KMT2C: variants seen among roughly 807,000 people sequenced by gnomAD.
The protein encoded by KMT2C is lysine methyltransferase 2C.
In KMT2C, 88 loss-of-function variants were observed where a neutral mutation model predicts 507.9. The observed-to-expected ratio is 0.17, with a 90% CI of 0.15 to 0.21. The LOEUF (loss-of-function observed/expected upper bound fraction) is 0.21, where lower values mean the gene tolerates loss of function less well. Among genes scored for constraint, KMT2C ranks in the 10% least tolerant of loss-of-function variants. The pLI is 1.00. For missense variants in KMT2C, 4,954 were observed against 5,957.8 expected (o/e 0.83, Z 5.55); for synonymous variants, 2,049 against 2,080.8 (o/e 0.98, Z 0.42).
chr7:152,250,082 T>A, intron 12 of KMT2C, 129 bp from the exon 13 acceptor site: 1 of 567,700 alleles, frequency 1.8e-6, no homozygotes, highest in South Asian at 2.5e-5. Context: ...TGAAACATTG[T>A]ACCACTTATT....
intron 49 of KMT2C, 40 bp from the exon 50 acceptor site, chr7:152,151,621 G>A: frequency 1.3e-6 from 2 of 1,584,974 alleles, no homozygotes; most frequent in Non-Finnish European, 1.7e-6. Flanking sequence ...AAAACTGACT[G>A]ATGACACAAG....
chr7:152,180,781 G>A lies in KMT2C; in HGVS notation c.7079C>T (p.Pro2360Leu), dbSNP rs940080839. The A allele has an allele frequency of 1.9e-6, 3 of 1,614,152 alleles. No homozygotes were observed. The highest frequency in any genetic ancestry group is 1.1e-5 in the South Asian group (1 of 91,072). ...CTGTGTATCAGTTACTCCTGAAGTT[G>A]GCACAGGTCCAGGAAGTTGGGAGAC... ...SGVSQLPGPV[P>L]TSGVTDTQNT... is the part of the protein sequence containing the mutation. The change falls in exon 36 of 59, where the codon CCA (proline) becomes CTA (leucine). Residue 2360 changes from proline to leucine, a missense_variant. Physicochemically the swap from Pro to Leu is moderately conservative, Grantham distance 98. Transcript: ENST00000262189.
chr7:152,386,108 A>T (rs2097423690), intron 1 of KMT2C, among the ~76,000 whole-genome samples: 2 of 151,766 alleles, frequency 1.3e-5, no homozygotes, highest in Non-Finnish European at 2.9e-5. Flanking sequence ...TAATAAAAAT[A>T]AAAATAAATA....
intron 31 of KMT2C, among the ~76,000 whole-genome samples, chr7:152,189,547 T>C (rs1423934211): frequency 6.6e-6 from 1 of 152,196 alleles, no homozygotes; most frequent in East Asian, 1.9e-4. Flanking sequence ...CATTTTACAA[T>C]GTATAATGAT....
intron 55 of KMT2C, 62 bp from the exon 56 acceptor site, chr7:152,139,853 A>G: frequency 8.2e-7 from 1 of 1,221,812 alleles, no homozygotes; most frequent in Non-Finnish European, 1.2e-6. Context: ...TCTGTTTTTC[A>G]TACAAAGGTT....
rs548995321 is a variant in KMT2C at position 152,162,104 on chromosome 7, G to T, written c.11460+13C>A. 4 of 1,521,110 alleles carry T rather than the reference G, an allele frequency of 2.6e-6. No homozygotes were observed. Among genetic ancestry groups the T allele is most frequent in the African/African-American group, 1.4e-5 (1 of 71,886 alleles). The allele number at this position is 1,521,110 out of a possible 1,614,324, so 94.2% of individuals were successfully genotyped here. On this transcript the variant is annotated intron_variant, in intron 43 of 58. Transcript: ENST00000262189. ...AAAAGAAAAAAGTTGTCGTTTTTAT[G>T]ATTTACACTTACCAGTCCTTCAGCT...
At chr7:152,341,769 G>A (rs982976048) in intron 2 of KMT2C, among the ~76,000 whole-genome samples, 1 of 152,150 alleles carries the variant, frequency 6.6e-6, no homozygotes, top group African/African-American at 2.4e-5. Context: ...GATAAGAAAG[G>A]ACAGGTAAAG....
chr7:152,217,673 C>T (rs1417002986), intron 23 of KMT2C, among the ~76,000 whole-genome samples: 1 of 151,938 alleles, frequency 6.6e-6, no homozygotes, highest in Non-Finnish European at 1.5e-5. Context: ...TTTAAAAAAG[C>T]AAGGGTAATT....
chr7:152,207,553 G>T, intron 23 of KMT2C, 125 bp from the exon 24 acceptor site: 9 of 737,558 alleles, frequency 1.2e-5, no homozygotes, highest in East Asian at 2.8e-5. Context: ...TGTTGGTAGG[G>T]AAAGTATGAA....
Position 152,202,926 on chromosome 7 carries a change from AAT to A in KMT2C, c.4092+6_4092+7del, listed in dbSNP as rs754113886. On this transcript the variant is annotated splice_donor_region_variant and intron_variant, in intron 26 of 58. Coordinates refer to ENST00000262189, the MANE Select transcript of KMT2C (RefSeq NM_170606.3). Reference sequence around the variant, plus strand: ...AACCATGTAAAATAATGTAAAGCAAAATATTACTTGTAAATAGGCAGGGAAAG... The same window carrying A: ...AACCATGTAAAATAATGTAAAGCAAAATTACTTGTAAATAGGCAGGGAAAG... The A allele has an allele frequency of 3.8e-6, 6 of 1,582,100 alleles. No homozygotes were observed. In the African/African-American group the frequency reaches 8.1e-5, roughly 21 times the overall value.
At chr7:152,359,996 C>T (rs900072920) in intron 1 of KMT2C, among the ~76,000 whole-genome samples, 3 of 124,772 alleles carry the variant, frequency 2.4e-5, no homozygotes, top group South Asian at 2.5e-4. Context: ...TTGCAGTGAG[C>T]TGATATCATG....
chr7:152,144,429 T>G lies in KMT2C; in HGVS notation c.14343+284A>C, dbSNP rs2090910958. The stretch of plus-strand genomic sequence containing the variant: ...TCTACTGAGCACTCCACAAATCCAG[T>G]GTGTGCAAATTACAATGCTACCTGC... On this transcript the variant is annotated intron_variant, in intron 55 of 58. Transcript: ENST00000262189. This position sits in a 1 kb window ranked among gnomAD's most constrained non-coding sequence, Gnocchi z 4.4. Among the ~76,000 whole-genome samples the G allele has an allele frequency of 2.6e-5, 4 of 152,298 alleles. No homozygotes were observed. The highest frequency in any genetic ancestry group is 9.6e-5 in the African/African-American group (4 of 41,562).
intron 2 of KMT2C, among the ~76,000 whole-genome samples, chr7:152,348,599 T>TAAAAAAAAAAAAAAAAAAAAAAAAA (rs201530125): frequency 1.1e-3 from 53 of 48,956 alleles, no homozygotes; most frequent in East Asian, 2.0e-3. Context: ...AACTCTGTCT[T>TAAAAAAAAAAAAAAAAAAAAAAAAA]AAAAAAAAAA....
intron 6 of KMT2C, among the ~76,000 whole-genome samples, chr7:152,275,865 C>G (rs1297884240): frequency 6.6e-6 from 1 of 152,080 alleles, no homozygotes; most frequent in Non-Finnish European, 1.5e-5. Flanking sequence ...TATTTTGATA[C>G]CATATGGCAA....
At chr7:152,370,469 C>T (rs931744982) in intron 1 of KMT2C, among the ~76,000 whole-genome samples, 1 of 152,218 alleles carries the variant, frequency 6.6e-6, no homozygotes, top group East Asian at 1.9e-4. Context: ...CTACAGAATC[C>T]CTTCCAGAAA....
intron 1 of KMT2C, among the ~76,000 whole-genome samples, chr7:152,391,543 CTTTT>C (rs71198782): frequency 2.0e-4 from 19 of 97,188 alleles, no homozygotes; most frequent in African/African-American, 4.9e-4. Flanking sequence ...CATGCCCGGC[CTTTT>C]TTTTTTTTTT....
At position 152,384,582 on chromosome 7, in the gene KMT2C, C is replaced by A. The variant is rs796207293; in HGVS notation, c.162-25907G>T. Reference sequence around the variant, plus strand: ...CCACCACCACCACCACCACCACCACCACCACCACCACCACCACCACCACCA... The same window carrying A: ...CCACCACCACCACCACCACCACCACAACCACCACCACCACCACCACCACCA... On this transcript the variant is annotated intron_variant, in intron 1 of 58. Transcript: ENST00000262189. Among the ~76,000 whole-genome samples the A allele has an allele frequency of 1.0e-4, 15 of 143,866 alleles. No homozygotes were observed. In the South Asian group the frequency reaches 2.4e-3, roughly 23 times the overall value. 94.4% of individuals were successfully genotyped at this position (143,866 alleles called of 152,430 possible).
chr7:152,181,598 T>G lies in KMT2C; in HGVS notation c.6262A>C (p.Asn2088His), dbSNP rs574167397. 1.2e-6 allele frequency: 2 copies of G among 1,614,068 alleles called. No homozygotes were observed. Among genetic ancestry groups the G allele is most frequent in the Non-Finnish European group, 1.7e-6 (2 of 1,180,024 alleles). ...TGACTATATGGATCATTTGACTGATTATGAGAAAAATTATCTATAGGTCTT... is the reference window on the plus strand; with the variant it reads ...TGACTATATGGATCATTTGACTGATGATGAGAAAAATTATCTATAGGTCTT... ...TPRPIDNFSH[N>H]QSNDPYSQPP... Residue 2088 changes from asparagine (N) to histidine (H), a missense_variant, in exon 36 of 59, where the codon AAT becomes CAT. Asn to His is a moderately conservative substitution (Grantham distance 68, BLOSUM62 1). Transcript: ENST00000262189.
In KMT2C at chr7:152,158,902, A is replaced by C; in HGVS notation, c.11631T>G (p.Ala3877=). ...TAAACGTGTCAGTGCTAGAGTACAT[A>C]GCTTGTTTCTCCTCTTCGTCCTTTT... ...KRKKDEEEKQ[A]MYSSTDTFTH... is the part of the protein sequence containing the mutation. The change falls in exon 44 of 59, where the codon GCT becomes GCG. Residue 3877 remains alanine (A), a synonymous_variant. Coordinates refer to ENST00000262189, the MANE Select transcript of KMT2C (RefSeq NM_170606.3). 1 of 1,614,166 alleles carries C rather than the reference A, an allele frequency of 6.2e-7. No individual in the cohort carries two copies.
Sources: gnomAD v4.1 joint callset for allele counts (sites outside exome capture counted in the v4.1 genomes callset) on GRCh38, gnomAD v4.1.1 for gene constraint, Gnocchi (gnomAD v3.1) non-coding constraint, MANE v1.5 for transcripts, NCBI Gene and HGNC (gene_info 2026-07-23, HGNC 2026-07-21) for gene names.